Variants in IGSF21 observed in about 807,000 individuals in gnomAD.
IGSF21 encodes immunoglobin superfamily member 21, also known as immunoglobulin superfamily member 21.
Under a neutral mutation model 46.8 loss-of-function variants are expected in IGSF21, and 28 were observed. The ratio of observed to expected loss-of-function variants is 0.60; its 90% CI spans 0.44 to 0.82. The LOEUF (loss-of-function observed/expected upper bound fraction) is 0.82. Among genes scored for constraint, IGSF21 ranks in the 40% least tolerant of loss-of-function variants. IGSF21 has a pLI of 0.00. For missense variants in IGSF21, 624 were observed against 665.5 expected (o/e 0.94, Z 0.69); for synonymous variants, 284 against 273.6 (o/e 1.04, Z -0.38).
In IGSF21 at chr1:18,334,819, A is replaced by G; in HGVS notation, c.306-73A>G. 9.3e-7 allele frequency: 1 copy of G among 1,078,268 alleles called. No homozygotes were observed. The highest frequency in any genetic ancestry group is 1.4e-6 in the Non-Finnish European group (1 of 698,540). The allele number at this position is 1,078,268 out of a possible 1,614,324, so 66.8% of individuals were successfully genotyped here. ...GGAGGCTGCACCAGTGGGCATCAGGATGAGTTTCCTTGAACGCTGCCTCAC... is the reference window on the plus strand; with the variant it reads ...GGAGGCTGCACCAGTGGGCATCAGGGTGAGTTTCCTTGAACGCTGCCTCAC... On this transcript the variant is annotated intron_variant, in intron 3 of 9. Coordinates refer to ENST00000251296, the MANE Select transcript of IGSF21 (RefSeq NM_032880.5). The surrounding 1 kb of genome is among the most constrained non-coding windows in gnomAD (Gnocchi z 4.3).
intron 4 of IGSF21, 56 bp from the exon 5 acceptor site, chr1:18,362,059 C>A: frequency 7.8e-7 from 1 of 1,288,494 alleles, no homozygotes; most frequent in Non-Finnish European, 1.1e-6. Context: ...CATCAGTGAA[C>A]TCTTCCTGAA....
At chr1:18,191,274 G>A (rs59087291) in intron 1 of IGSF21, among the ~76,000 whole-genome samples, 4,165 of 152,154 alleles carry the variant, frequency 0.027, 169 homozygotes, top group African/African-American at 0.08. Flanking sequence ...AATAGTGCCC[G>A]TCTCACCAGG....
intron 1 of IGSF21, among the ~76,000 whole-genome samples, chr1:18,122,483 G>A (rs1008728477): frequency 9.3e-5 from 14 of 151,024 alleles, no homozygotes; most frequent in African/African-American, 2.4e-4. Context: ...GAGCCACCAC[G>A]CCAAGCCACC....
intron 2 of IGSF21, among the ~76,000 whole-genome samples, chr1:18,269,177 G>C (rs551877319): frequency 6.6e-6 from 1 of 152,334 alleles, no homozygotes; most frequent in African/African-American, 2.4e-5. Flanking sequence ...GGTGGCTGCA[G>C]ACTCTGATGG....
chr1:18,135,537 T>C (rs1340900250), intron 1 of IGSF21, among the ~76,000 whole-genome samples: 2 of 152,080 alleles, frequency 1.3e-5, no homozygotes, highest in Non-Finnish European at 2.9e-5. Flanking sequence ...TTGCGATAGT[T>C]TGCTGAGAAT....
chr1:18,167,494 G>A (rs2086690863), intron 1 of IGSF21, among the ~76,000 whole-genome samples: 1 of 152,148 alleles, frequency 6.6e-6, no homozygotes, highest in East Asian at 1.9e-4. Flanking sequence ...GGTTAGAAAA[G>A]GGTCTTGGGT....
chr1:18,277,424 G>T (rs1455061320), intron 2 of IGSF21, among the ~76,000 whole-genome samples: 1 of 152,232 alleles, frequency 6.6e-6, no homozygotes, highest in Admixed American at 6.5e-5. Context: ...CGCCCTAGCT[G>T]AGACTCACTC....
chr1:18,294,906 C>T (rs1055457571), intron 3 of IGSF21, among the ~76,000 whole-genome samples: 5 of 152,242 alleles, frequency 3.3e-5, no homozygotes, highest in East Asian at 1.9e-4. Context: ...CGCGGGACTC[C>T]GCATTTACAT....
intron 1 of IGSF21, among the ~76,000 whole-genome samples, chr1:18,185,801 C>T (rs1036323341): frequency 2.2e-4 from 33 of 152,286 alleles, no homozygotes; most frequent in African/African-American, 7.9e-4. Flanking sequence ...TTGAAAGTGC[C>T]TCTGAGAGTA....
intron 2 of IGSF21, among the ~76,000 whole-genome samples, chr1:18,282,265 A>C (rs1268254455): frequency 6.6e-6 from 1 of 152,112 alleles, no homozygotes; most frequent in Non-Finnish European, 1.5e-5. Flanking sequence ...CTGCATTCAG[A>C]AGTCACTGAG....
At chr1:18,340,167 C>T (rs907133939) in intron 4 of IGSF21, among the ~76,000 whole-genome samples, 1 of 152,034 alleles carries the variant, frequency 6.6e-6, no homozygotes, top group African/African-American at 2.4e-5. Context: ...GCACCTAGTA[C>T]ATTGCAGGCA....
At chr1:18,325,693 G>A (rs571103144) in intron 3 of IGSF21, among the ~76,000 whole-genome samples, 2 of 152,262 alleles carry the variant, frequency 1.3e-5, no homozygotes, top group African/African-American at 2.4e-5. Flanking sequence ...CCCCCCTGGG[G>A]TCTCCTGTAA....
At chr1:18,223,490 A>G (rs1409329209) in intron 1 of IGSF21, among the ~76,000 whole-genome samples, 2 of 152,232 alleles carry the variant, frequency 1.3e-5, no homozygotes, top group African/African-American at 4.8e-5. Flanking sequence ...TGCTCTGTCC[A>G]TGAGGCATGG....
At chr1:18,195,759 T>C (rs915552376) in intron 1 of IGSF21, among the ~76,000 whole-genome samples, 1 of 152,142 alleles carries the variant, frequency 6.6e-6, no homozygotes. Context: ...TTAAACACAA[T>C]TATGTGTTCA....
chr1:18,191,242 G>A (rs1011241535), intron 1 of IGSF21, among the ~76,000 whole-genome samples: 6 of 152,136 alleles, frequency 3.9e-5, no homozygotes, highest in African/African-American at 1.4e-4. Context: ...CCCTCTCTGA[G>A]CCTCAAGTGT....
intron 1 of IGSF21, among the ~76,000 whole-genome samples, chr1:18,122,138 T>C (rs966789922): frequency 6.6e-6 from 1 of 152,102 alleles, no homozygotes; most frequent in African/African-American, 2.4e-5. Flanking sequence ...TCACGACTTT[T>C]GTCATGTCTA....
intron 1 of IGSF21, among the ~76,000 whole-genome samples, chr1:18,178,783 C>T (rs1033484076): frequency 6.6e-6 from 1 of 152,162 alleles, no homozygotes; most frequent in East Asian, 1.9e-4. Flanking sequence ...AGGGTCTGGC[C>T]TCCCAGAGGA....
chr1:18,138,932 A>G (rs1339087313), intron 1 of IGSF21, among the ~76,000 whole-genome samples: 1 of 152,152 alleles, frequency 6.6e-6, no homozygotes, highest in Non-Finnish European at 1.5e-5. Context: ...GAGAGTTGGG[A>G]TTCAGACCTG....
In IGSF21 at chr1:18,109,368, G is replaced by A. The variant is rs911972150; in HGVS notation, c.70+1170G>A. 1.3e-5 allele frequency: 2 copies of A among 152,108 alleles called. No individual in the cohort carries two copies. The highest frequency in any genetic ancestry group is 1.3e-4 in the Admixed American group (2 of 15,276). The allele number at this position is 152,108 out of a possible 1,614,324, so 9.4% of individuals were successfully genotyped here. ...GCCTCGGAGGGGAGCGGGACGCGAGGTGCCAAAAAGTCGTCTTTATGATCA... is the reference window on the plus strand; with the variant it reads ...GCCTCGGAGGGGAGCGGGACGCGAGATGCCAAAAAGTCGTCTTTATGATCA... On this transcript the variant is annotated intron_variant, in intron 1 of 9. Transcript: ENST00000251296. The surrounding 1 kb of genome is among the most constrained non-coding windows in gnomAD (Gnocchi z 4.8).
Sources: allele counts gnomAD v4.1 joint callset (sites outside exome capture counted in the v4.1 genomes callset), GRCh38; gene constraint gnomAD v4.1.1; non-coding constraint Gnocchi (gnomAD v3.1); transcripts MANE v1.5; gene names NCBI Gene and HGNC (gene_info 2026-07-23, HGNC 2026-07-21).